Variants in GALNT9 observed in about 807,000 individuals in gnomAD.
The protein encoded by GALNT9 is polypeptide N-acetylgalactosaminyltransferase 9, also known as GalNAc transferase 9.
GALNT9 carries 47 observed loss-of-function variants against 63.1 expected under a neutral mutation model. That is an observed-to-expected ratio of 0.75 (90% CI 0.59 to 0.95). The LOEUF (loss-of-function observed/expected upper bound fraction) is 0.95, where lower values mean the gene tolerates loss of function less well. GALNT9 is among the 40% of genes least tolerant of loss of function. The pLI is 0.00. For synonymous variants in GALNT9, 396 were observed against 365.7 expected (o/e 1.08, Z -0.94); for missense variants, 829 against 874.8 (o/e 0.95, Z 0.66).
chr12:132,257,794 T>C lies in GALNT9; in HGVS notation c.854A>G (p.Gln285Arg). 1 of 1,550,456 alleles carries C rather than the reference T, an allele frequency of 6.4e-7. No individual in the cohort carries two copies. Among genetic ancestry groups the C allele is most frequent in the South Asian group, 1.2e-5 (1 of 84,064 alleles). The change falls in exon 5 of 11, where the codon CAG (glutamine) becomes CGG (arginine). Residue 285 changes from glutamine (Q) to arginine (R), a missense_variant. Gln to Arg is a conservative substitution (Grantham distance 43). Coordinates refer to ENST00000328957, the MANE Select transcript of GALNT9 (RefSeq NM_001122636.2). ...DNIKYSTFEV[Q>R]QYANAAHGYN... Reference sequence around the variant, plus strand: ...GCCATGGGCGGCGTTCGCATACTGCTGCACCTCAAACGTGCTGTACTTGAT... The same window carrying C: ...GCCATGGGCGGCGTTCGCATACTGCCGCACCTCAAACGTGCTGTACTTGAT...
chr12:132,240,632 G>A (rs2136898982), intron 6 of GALNT9: 61 of 451,316 alleles, frequency 1.4e-4, no homozygotes, highest in Non-Finnish European at 2.1e-4. Context: ...TGTGCTCTAT[G>A]GGCCTCGGAC....
intron 6 of GALNT9, among the ~76,000 whole-genome samples, chr12:132,210,148 G>A (rs1357393049): frequency 6.6e-6 from 1 of 152,210 alleles, no homozygotes; most frequent in African/African-American, 2.4e-5. Context: ...CCAGAGATGG[G>A]TGGGTCCCTG....
At position 132,199,118 on chromosome 12, in the gene GALNT9, G is replaced by A. The variant is rs35117555; in HGVS notation, c.1497+56C>T. On this transcript the variant is annotated intron_variant, in intron 9 of 10. Transcript: ENST00000328957. ...GCCTCTGCCCCAGGGTGTAGGGTCCGGGTGGCCTGGGGTCGTCCCCTTGGG... is the reference window on the plus strand; with the variant it reads ...GCCTCTGCCCCAGGGTGTAGGGTCCAGGTGGCCTGGGGTCGTCCCCTTGGG... The A allele has an allele frequency of 3.1e-3, 3,557 of 1,159,744 alleles. 15 individuals are homozygous for A. The highest frequency in any genetic ancestry group is 4.0e-3 in the Non-Finnish European group (3,156 of 783,088). 71.8% of individuals were successfully genotyped at this position (1,159,744 alleles called of 1,614,324 possible). A position where few individuals can be genotyped will look rare whatever the true frequency, so the allele number is the denominator to read the frequency against.
chr12:132,321,860 C>T (rs546376091), intron 1 of GALNT9, among the ~76,000 whole-genome samples: 23 of 152,114 alleles, frequency 1.5e-4, no homozygotes, highest in Non-Finnish European at 2.8e-4. Context: ...TACAGGAGGC[C>T]GGGAGTTGGA....
At chr12:132,303,462 C>T (rs1283364582) in intron 1 of GALNT9, among the ~76,000 whole-genome samples, 9 of 115,856 alleles carry the variant, frequency 7.8e-5, no homozygotes, top group East Asian at 2.9e-4. Context: ...CACCCTCGCC[C>T]GGACACACCC....
intron 6 of GALNT9, among the ~76,000 whole-genome samples, chr12:132,212,259 G>T (rs1400389624): frequency 3.7e-5 from 3 of 81,458 alleles, no homozygotes; most frequent in South Asian, 5.3e-4. Context: ...ACCCCACCCG[G>T]GTCTGCAGCC....
At chr12:132,232,075 C>T (rs1226541228) in intron 6 of GALNT9, among the ~76,000 whole-genome samples, 4 of 5,102 alleles carry the variant, frequency 7.8e-4, no homozygotes, top group Non-Finnish European at 9.4e-4. Flanking sequence ...CCCCTAGTGC[C>T]ACACACTCGA....
intron 2 of GALNT9, among the ~76,000 whole-genome samples, chr12:132,281,300 G>A (rs1165862230): frequency 1.3e-5 from 2 of 152,188 alleles, no homozygotes; most frequent in African/African-American, 4.8e-5. Context: ...CTCCAGGCTG[G>A]GCGTGGAGCC....
intron 1 of GALNT9, among the ~76,000 whole-genome samples, chr12:132,291,865 G>A (rs1880872378): frequency 6.6e-6 from 1 of 152,162 alleles, no homozygotes; most frequent in African/African-American, 2.4e-5. Flanking sequence ...GGGTTCCAGA[G>A]CCGCTCCCCT....
Position 132,221,084 on chromosome 12 carries a change from G to A in GALNT9, c.1078-17394C>T, listed in dbSNP as rs147806394. On this transcript the variant is annotated intron_variant, in intron 6 of 10. Coordinates refer to ENST00000328957, the MANE Select transcript of GALNT9 (RefSeq NM_001122636.2). ...AAAAAAAAAAAAAAGGTCTGGGCGCGATGGCTCTTGCCTGTAATCCCAGCA... is the reference window on the plus strand; with the variant it reads ...AAAAAAAAAAAAAAGGTCTGGGCGCAATGGCTCTTGCCTGTAATCCCAGCA... Among the ~76,000 whole-genome samples the A allele has an allele frequency of 8.3e-5, 12 of 144,428 alleles. No individual in the cohort carries two copies. In the East Asian group the frequency reaches 1.0e-3, roughly 12 times the overall value. The allele number at this position is 144,428 out of a possible 152,430, so 94.8% of individuals were successfully genotyped here.
chr12:132,201,096 C>A (rs199913384), intron 8 of GALNT9, 28 bp downstream of exon 8: 1 of 1,606,692 alleles, frequency 6.2e-7, no homozygotes, highest in South Asian at 1.1e-5. Context: ...CCTGTCGGGC[C>A]GAACGGGGCC....
chr12:132,306,599 G>A (rs1881624005), intron 1 of GALNT9, among the ~76,000 whole-genome samples: 1 of 152,214 alleles, frequency 6.6e-6, no homozygotes, highest in Non-Finnish European at 1.5e-5. Context: ...ACCTGCCCCG[G>A]CATTGCTGAC....
chr12:132,199,211 C>G lies in GALNT9; in HGVS notation c.1460G>C (p.Arg487Pro). 6.2e-7 allele frequency: 1 copy of G among 1,603,894 alleles called. No individual in the cohort carries two copies. Among genetic ancestry groups the G allele is most frequent in the Non-Finnish European group, 8.5e-7 (1 of 1,179,390 alleles). Residue 487 changes from arginine (R) to proline (P), a missense_variant, in exon 9 of 11, where the codon CGG (arginine) becomes CCG (proline). Physicochemically the swap from Arg to Pro is moderately radical, Grantham distance 103. Coordinates refer to ENST00000328957, the MANE Select transcript of GALNT9 (RefSeq NM_001122636.2). ...CCCGTGGCAGGGGTAGAGGATCGCC[C>G]GGTCGCCGTCCTCCGCTCCCTGGTC... Reference protein sequence around the residue: ...CLDQGAEDGDRAILYPCHGMS... With the variant: ...CLDQGAEDGDPAILYPCHGMS...
chr12:132,298,991 C>T (rs1555243541), intron 1 of GALNT9, among the ~76,000 whole-genome samples: 1 of 149,320 alleles, frequency 6.7e-6, no homozygotes, highest in African/African-American at 2.4e-5. Context: ...CCACTCGGAC[C>T]ACACCTAACC....
chr12:132,300,229 A>G (rs1555243717), intron 1 of GALNT9, among the ~76,000 whole-genome samples: 1 of 145,874 alleles, frequency 6.9e-6, no homozygotes, highest in African/African-American at 2.5e-5. Flanking sequence ...TAACCAAGCC[A>G]CTGCTGAGAT....
chr12:132,312,557 G>A (rs767936136), intron 1 of GALNT9, among the ~76,000 whole-genome samples: 99 of 152,310 alleles, frequency 6.5e-4, no homozygotes, highest in Admixed American at 3.9e-3. Flanking sequence ...CACACACCTG[G>A]GTCCACTGGG....
At chr12:132,328,924 C>G (rs1015789686) in intron 1 of GALNT9, 42 bp downstream of exon 1, 35 of 1,469,444 alleles carry the variant, frequency 2.4e-5, no homozygotes, top group Non-Finnish European at 3.1e-5. Flanking sequence ...GCCACTGTCC[C>G]GGGCAGGGCT....
At chr12:132,240,466 AAGAATAGCCGTGCCCAGC>A (rs1240380607) in intron 6 of GALNT9, 2 of 376,066 alleles carry the variant, frequency 5.3e-6, no homozygotes, top group African/African-American at 4.3e-5. Flanking sequence ...AGAACGGAGC[AAGAATAGCCGTGCCCAGC>A]TCGGACCCCG....
rs869246524 is a variant in GALNT9, at chr12:132,221,350, CAAAAAAAAAAAA to C, written c.1078-17672_1078-17661del. Among the ~76,000 whole-genome samples the C allele has an allele frequency of 4.7e-4, 22 of 46,808 alleles. No individual in the cohort carries two copies. In the South Asian group the frequency reaches 5.8e-3, roughly 12 times the overall value. The allele number at this position is 46,808 out of a possible 152,430, so 30.7% of individuals were successfully genotyped here. ...CCTGGCGACAGAGTGAGATTGTGTC[CAAAAAAAAAAAA>C]AAAAAAAAAAAAAAAGGGCTGGGTG... is the stretch of plus-strand genomic sequence containing the variant. On this transcript the variant is annotated intron_variant, in intron 6 of 10. Transcript: ENST00000328957.
Sources: allele counts gnomAD v4.1 joint callset (sites outside exome capture counted in the v4.1 genomes callset), GRCh38; gene constraint gnomAD v4.1.1; transcripts MANE v1.5; gene names NCBI Gene and HGNC (gene_info 2026-07-23, HGNC 2026-07-21).